CCDC42: variants seen among roughly 807,000 people sequenced by gnomAD.
CCDC42 encodes coiled-coil domain containing 42, also known as coiled-coil domain-containing protein 42.
Under a neutral mutation model 40.8 loss-of-function variants are expected in CCDC42, and 38 were observed. The observed-to-expected ratio is 0.93, with a 90% CI of 0.72 to 1.22. The LOEUF is 1.22. CCDC42 is among the 50% of genes most tolerant of loss of function. The pLI is 0.00. For synonymous variants in CCDC42, 135 were observed against 157.5 expected (o/e 0.86, Z 1.07); for missense variants, 379 against 416.5 (o/e 0.91, Z 0.78).
In CCDC42 at chr17:8,735,330, T is replaced by C. The variant is rs1055765647; in HGVS notation, c.714+60A>G. On this transcript the variant is annotated intron_variant, in intron 5 of 6. Coordinates refer to ENST00000293845, the MANE Select transcript of CCDC42 (RefSeq NM_144681.3). The surrounding 1 kb of genome is among the most constrained non-coding windows in gnomAD (Gnocchi z 4.7). ...GTTTGTGTGTATGTGTGTGTGTGTATGCTCAGGGCCCGCACTCACCCAGTG... is the reference window on the plus strand; with the variant it reads ...GTTTGTGTGTATGTGTGTGTGTGTACGCTCAGGGCCCGCACTCACCCAGTG... 8 of 1,609,916 alleles carry C rather than the reference T, an allele frequency of 5.0e-6. No individual in the cohort carries two copies. The highest frequency in any genetic ancestry group is 6.8e-6 in the Non-Finnish European group (8 of 1,176,994).
rs750192818 is a variant in CCDC42 at position 8,735,247 on chromosome 17, C to A, written c.722G>T (p.Arg241Leu). 6.2e-7 allele frequency: 1 copy of A among 1,614,120 alleles called. No homozygotes were observed. Among genetic ancestry groups the A allele is most frequent in the Non-Finnish European group, 8.5e-7 (1 of 1,180,012 alleles). ...TGCGGTGTTCTGGATGTGCGCCCAG[C>A]GAGATTCCTGGAGAGTGGATAAGGA... ...ARSNVIFWES[R>L]WAHIQNTAAK... is the part of the protein sequence containing the mutation. Residue 241 changes from arginine (R) to leucine (L), a missense_variant, in exon 6 of 7, where the codon CGC becomes CTC. Coordinates refer to ENST00000293845, the MANE Select transcript of CCDC42 (RefSeq NM_144681.3). This position sits in a 1 kb window ranked among gnomAD's most constrained non-coding sequence, Gnocchi z 4.7.
chr17:8,741,744 T>TG, intron 3 of CCDC42, 73 bp from the exon 4 acceptor site: 1 of 1,459,284 alleles, frequency 6.9e-7, no homozygotes, highest in Non-Finnish European at 9.4e-7. Flanking sequence ...TTCCTGGGGC[T>TG]GGTGGTGCCC....
chr17:8,735,065 C>CA lies in CCDC42; in HGVS notation c.873+30dup. ...GCAACCTCCTCGGCCCAGCCGACCC[C>CA]ACGGGCCCAGTGCCTGTCCCCTCCT... On this transcript the variant is annotated intron_variant, in intron 6 of 6. Transcript: ENST00000293845. This position sits in a 1 kb window ranked among gnomAD's most constrained non-coding sequence, Gnocchi z 4.7. The CA allele has an allele frequency of 6.2e-7, 1 of 1,612,440 alleles. No homozygotes were observed. The highest frequency in any genetic ancestry group is 8.5e-7 in the Non-Finnish European group (1 of 1,178,860).
chr17:8,738,237 A>G (rs1459211968), intron 4 of CCDC42, among the ~76,000 whole-genome samples: 1 of 152,200 alleles, frequency 6.6e-6, no homozygotes, highest in East Asian at 1.9e-4. Flanking sequence ...TCTCTTAGAG[A>G]TACATACTGC....
At position 8,730,113 on chromosome 17, in the gene CCDC42, G is replaced by A. The variant is rs757042468; in HGVS notation, c.*17C>T. 8 of 1,612,058 alleles carry A rather than the reference G, an allele frequency of 5.0e-6. No homozygotes were observed. Among genetic ancestry groups the A allele is most frequent in the African/African-American group, 1.3e-5 (1 of 74,974 alleles). On this transcript the variant is annotated 3_prime_UTR_variant, in exon 7 of 7. Coordinates refer to ENST00000293845, the MANE Select transcript of CCDC42 (RefSeq NM_144681.3). The stretch of plus-strand genomic sequence containing the variant: ...CACGATCTCTGTCTCAGGACATTCT[G>A]GAACAAGGCTGCCTCCTTAAATCCG...
chr17:8,740,217 A>G (rs1007906001), intron 4 of CCDC42, among the ~76,000 whole-genome samples: 26 of 152,176 alleles, frequency 1.7e-4, no homozygotes, highest in East Asian at 1.9e-4. Flanking sequence ...AGAAAAGTGG[A>G]GGATCGCTCA....
intron 6 of CCDC42, among the ~76,000 whole-genome samples, chr17:8,734,545 T>TTTTG (rs991732201): frequency 6.6e-6 from 1 of 151,976 alleles, no homozygotes; most frequent in Non-Finnish European, 1.5e-5. Context: ...CTGTTTTGTT[T>TTTTG]TTTGTTTGTT....
At chr17:8,737,641 C>T (rs561081413) in intron 4 of CCDC42, among the ~76,000 whole-genome samples, 1 of 152,200 alleles carries the variant, frequency 6.6e-6, no homozygotes, top group Admixed American at 6.5e-5. Context: ...AGTGAGGAAA[C>T]CAATATTCTG....
chr17:8,731,969 CCTGA>C (rs1252627236), intron 6 of CCDC42, among the ~76,000 whole-genome samples: 18 of 151,928 alleles, frequency 1.2e-4, no homozygotes, highest in Admixed American at 1.2e-3. Flanking sequence ...TCGAGACCAT[CCTGA>C]CTAACACAGT....
chr17:8,736,469 G>A (rs1328687563), intron 4 of CCDC42, among the ~76,000 whole-genome samples: 4 of 152,218 alleles, frequency 2.6e-5, no homozygotes, highest in Admixed American at 6.5e-5. Flanking sequence ...TGAAACCCAC[G>A]CTCTTTAGAA....
intron 6 of CCDC42, among the ~76,000 whole-genome samples, 179 bp from the exon 7 acceptor site, chr17:8,730,386 G>T (rs1056918093): frequency 6.6e-6 from 1 of 152,044 alleles, no homozygotes; most frequent in Non-Finnish European, 1.5e-5. Flanking sequence ...GTCACCCAGG[G>T]TGGAGTGCAG....
Position 8,741,502 on chromosome 17 carries a change from T to C in CCDC42, c.464A>G (p.Tyr155Cys). 1 of 1,614,206 alleles carries C rather than the reference T, an allele frequency of 6.2e-7. No homozygotes were observed. The highest frequency in any genetic ancestry group is 8.5e-7 in the Non-Finnish European group (1 of 1,180,030). ...GGAGTTCTCCACCACCTTCTCTAGG[T>C]ACTTGTTGAAGATGTAGTAGTCCTT... is the stretch of plus-strand genomic sequence containing the variant. ...KLKDYYIFNKYLEKVVENSEF... is the reference protein window; with the variant it reads ...KLKDYYIFNKCLEKVVENSEF... Residue 155 changes from tyrosine (Y) to cysteine (C), a missense_variant, in exon 4 of 7, where the codon TAC becomes TGC. Transcript: ENST00000293845.
chr17:8,736,796 A>G (rs1179545342), intron 4 of CCDC42, among the ~76,000 whole-genome samples: 8 of 152,098 alleles, frequency 5.3e-5, no homozygotes, highest in Admixed American at 4.6e-4. Context: ...GAGGTGAGGC[A>G]GTGCTACAGG....
chr17:8,744,226 T>C, intron 1 of CCDC42, 42 bp from the exon 2 acceptor site: 2 of 1,457,754 alleles, frequency 1.4e-6, no homozygotes, highest in Non-Finnish European at 1.9e-6. Context: ...TGTTCTGACA[T>C]GGGGTAGGCT....
intron 4 of CCDC42, among the ~76,000 whole-genome samples, chr17:8,741,192 T>C (rs574905118): frequency 6.6e-6 from 1 of 152,224 alleles, no homozygotes; most frequent in South Asian, 2.1e-4. Flanking sequence ...ACATACACAG[T>C]TGTGGCTCAC....
intron 4 of CCDC42, among the ~76,000 whole-genome samples, chr17:8,736,007 A>G (rs1229408868): frequency 1.3e-5 from 2 of 152,208 alleles, no homozygotes; most frequent in African/African-American, 4.8e-5. Flanking sequence ...AGGCACAGCC[A>G]GGGTTGATAA....
rs752677099 is a variant in CCDC42, at chr17:8,735,512, G to A, written c.592C>T (p.Arg198Cys). Residue 198 changes from arginine to cysteine, a missense_variant, in exon 5 of 7, where the codon CGC becomes TGC. Arg to Cys is a radical substitution (Grantham distance 180). Transcript: ENST00000293845. This position sits in a 1 kb window ranked among gnomAD's most constrained non-coding sequence, Gnocchi z 4.7. ...TAGCGCGCCAGCCGGGCCTTGGCGC[G>A]CTCAATCTTCTCCTGGCCTTCCTGC... is the stretch of plus-strand genomic sequence containing the variant. The part of the protein sequence containing the change: ...SAQEGQEKIE[R>C]AKARLARYME... 33 of 1,613,922 alleles carry A rather than the reference G, an allele frequency of 2.0e-5. No homozygotes were observed. The highest frequency in any genetic ancestry group is 3.3e-5 in the Admixed American group (2 of 60,012).
chr17:8,739,692 G>A (rs1010054426), intron 4 of CCDC42, among the ~76,000 whole-genome samples: 11 of 152,142 alleles, frequency 7.2e-5, no homozygotes, highest in African/African-American at 2.7e-4. Flanking sequence ...ACAGGTGCTT[G>A]CCATCACGGC....
intron 3 of CCDC42, among the ~76,000 whole-genome samples, chr17:8,742,532 C>A (rs2086651582): frequency 6.6e-6 from 1 of 152,216 alleles, no homozygotes; most frequent in African/African-American, 2.4e-5. Flanking sequence ...CAAGCCCACC[C>A]CTCGCCCTGT....
Sources: gnomAD v4.1 joint callset for allele counts (sites outside exome capture counted in the v4.1 genomes callset) on GRCh38, gnomAD v4.1.1 for gene constraint, Gnocchi (gnomAD v3.1) non-coding constraint, MANE v1.5 for transcripts, NCBI Gene and HGNC (gene_info 2026-07-23, HGNC 2026-07-21) for gene names.